The following PRDM11 variants were observed in gnomAD, a reference collection of about 807,000 sequenced individuals.
PRDM11 encodes PR domain-containing protein 11.
Under a neutral mutation model 97.8 loss-of-function variants are expected in PRDM11, and 20 were observed. That is an observed-to-expected ratio of 0.20 (90% CI 0.14 to 0.30). The LOEUF (loss-of-function observed/expected upper bound fraction) is 0.30. Ranked by LOEUF, PRDM11 falls within the 10% of genes least tolerant of loss-of-function variation. PRDM11 has a pLI of 1.00. For synonymous variants in PRDM11, 599 were observed against 637.7 expected, an observed-to-expected ratio of 0.94 and a Z score of 0.91; for missense variants, 1,139 against 1,555.2, an observed-to-expected ratio of 0.73 and a Z score of 4.50.
Position 45,146,791 on chromosome 11 carries a change from AGCCGAGGCCGCGCCGCCTCC to A in PRDM11, c.-86_-67del. On this transcript the variant is annotated 5_prime_UTR_variant, in exon 1 of 8. Coordinates refer to ENST00000683152, the MANE Select transcript of PRDM11 (RefSeq NM_001384648.1). ...GGCCGCTCCCTCCGCGGGGGCCGCC[AGCCGAGGCCGCGCCGCCTCC>A]GCCGAGCCGCCCGCCGGGCCGCTCT... is the stretch of plus-strand genomic sequence containing the variant. 1 of 143,630 alleles carries A rather than the reference AGCCGAGGCCGCGCCGCCTCC, an allele frequency of 7.0e-6. No individual in the cohort carries two copies. Among genetic ancestry groups the A allele is most frequent in the South Asian group, 2.0e-4 (1 of 4,924 alleles). 8.9% of individuals were successfully genotyped at this position (143,630 alleles called of 1,614,324 possible).
At chr11:45,224,937 C>T (rs771127561) in intron 7 of PRDM11, 94 bp downstream of exon 7, 26 of 1,593,760 alleles carry the variant, frequency 1.6e-5, no homozygotes, top group East Asian at 4.5e-5. Flanking sequence ...AACCACCTTC[C>T]GGGAGACCTG....
chr11:45,106,906 G>A (rs1273672965), intron 1 of PRDM11, among the ~76,000 whole-genome samples: 2 of 152,228 alleles, frequency 1.3e-5, no homozygotes, highest in African/African-American at 2.4e-5. Flanking sequence ...GTGGAGTTGG[G>A]CTCAGATTGA....
intron 1 of PRDM11, among the ~76,000 whole-genome samples, chr11:45,114,344 T>A (rs1852256505): frequency 6.6e-6 from 1 of 152,072 alleles, no homozygotes; most frequent in Non-Finnish European, 1.5e-5. Context: ...ACAAACAAAC[T>A]GGCAGAAGAG....
intron 1 of PRDM11, among the ~76,000 whole-genome samples, chr11:45,140,434 G>T (rs949542838): frequency 6.6e-6 from 1 of 152,214 alleles, no homozygotes; most frequent in Non-Finnish European, 1.5e-5. Flanking sequence ...CTCTCCACCA[G>T]CAATGTGGCT....
intron 1 of PRDM11, among the ~76,000 whole-genome samples, chr11:45,133,065 G>A (rs916197682): frequency 6.6e-6 from 1 of 152,118 alleles, no homozygotes; most frequent in Non-Finnish European, 1.5e-5. Context: ...TCTGCCAGCT[G>A]CATTCCCATA....
intron 6 of PRDM11, among the ~76,000 whole-genome samples, chr11:45,220,080 T>C (rs1411466283): frequency 1.3e-5 from 2 of 152,180 alleles, no homozygotes; most frequent in African/African-American, 4.8e-5. Context: ...GATGAAAAGA[T>C]GTTACAAACT....
intron 5 of PRDM11, chr11:45,208,856 T>G (rs1313892384): frequency 2.4e-6 from 1 of 421,290 alleles, no homozygotes; most frequent in Non-Finnish European, 4.8e-6. Context: ...TTGTGCTTTG[T>G]GGGATATTCA....
chr11:45,112,440 T>C (rs910752881), intron 1 of PRDM11, among the ~76,000 whole-genome samples: 1 of 152,246 alleles, frequency 6.6e-6, no homozygotes, highest in African/African-American at 2.4e-5. Context: ...GTATTTTTCT[T>C]TGGGTAGACA....
At chr11:45,127,616 G>C (rs547846085) in intron 1 of PRDM11, among the ~76,000 whole-genome samples, 1 of 152,210 alleles carries the variant, frequency 6.6e-6, no homozygotes, top group Non-Finnish European at 1.5e-5. Context: ...GACCCTGTTT[G>C]CCTGGGTATC....
intron 4 of PRDM11, among the ~76,000 whole-genome samples, chr11:45,201,684 G>C (rs1853331300): frequency 6.6e-6 from 1 of 152,092 alleles, no homozygotes; most frequent in South Asian, 2.1e-4. Context: ...TCTTTGTAGA[G>C]AGGCTGGGCG....
At chr11:45,156,126 T>C (rs1449466850) in intron 1 of PRDM11, among the ~76,000 whole-genome samples, 1 of 152,172 alleles carries the variant, frequency 6.6e-6, no homozygotes, top group Non-Finnish European at 1.5e-5. Context: ...CAGCCATCCA[T>C]GCTGGGCAGG....
chr11:45,123,037 A>G (rs1852476192), intron 1 of PRDM11, among the ~76,000 whole-genome samples: 1 of 152,000 alleles, frequency 6.6e-6, no homozygotes, highest in African/African-American at 2.4e-5. Context: ...TCGCCATTCT[A>G]ACTGGTGTGA....
At chr11:45,105,850 C>G (rs1288092202) in intron 1 of PRDM11, among the ~76,000 whole-genome samples, 1 of 152,242 alleles carries the variant, frequency 6.6e-6, no homozygotes, top group Admixed American at 6.5e-5. Context: ...CTACAAAGTG[C>G]TTGGTGCTAA....
At chr11:45,187,638 TGCAGCCAGCAGCCA>T (rs924718755) in intron 4 of PRDM11, among the ~76,000 whole-genome samples, 7 of 152,118 alleles carry the variant, frequency 4.6e-5, no homozygotes, top group Non-Finnish European at 1.0e-4. Context: ...GGGCCTTAGC[TGCAGCCAGCAGCCA>T]GCAGCCAGCA....
At chr11:45,110,239 C>A (rs983178224) in intron 1 of PRDM11, among the ~76,000 whole-genome samples, 3 of 152,102 alleles carry the variant, frequency 2.0e-5, no homozygotes, top group Non-Finnish European at 2.9e-5. Flanking sequence ...AACAACTAAT[C>A]CTTATGCAGA....
chr11:45,116,518 A>G (rs1186724009), intron 1 of PRDM11, among the ~76,000 whole-genome samples: 2 of 152,266 alleles, frequency 1.3e-5, no homozygotes, highest in Non-Finnish European at 2.9e-5. Context: ...ATAATTAGAT[A>G]TTAACATATC....
At chr11:45,158,706 C>A (rs1851860498) in intron 1 of PRDM11, among the ~76,000 whole-genome samples, 1 of 152,080 alleles carries the variant, frequency 6.6e-6, no homozygotes, top group Non-Finnish European at 1.5e-5. Context: ...GACAGCTGAG[C>A]CTAACTCAGG....
rs184135503 is a variant in PRDM11, at chr11:45,105,353, G to A, written c.96+9452G>A. Reference sequence around the variant, plus strand: ...TGACCTACCTAAGGCCACCCAACTGGTCATAGCCACCAGGTGCTGCAAAAG... The same window carrying A: ...TGACCTACCTAAGGCCACCCAACTGATCATAGCCACCAGGTGCTGCAAAAG... On this transcript the variant is annotated intron_variant, in intron 1 of 6. Transcript: ENST00000530656. Among the ~76,000 whole-genome samples the A allele has an allele frequency of 3.3e-5, 5 of 152,284 alleles. No individual in the cohort carries two copies. In the East Asian group the frequency reaches 9.7e-4, roughly 29 times the overall value.
intron 1 of PRDM11, among the ~76,000 whole-genome samples, chr11:45,150,454 C>G (rs1246155333): frequency 6.6e-6 from 1 of 152,180 alleles, no homozygotes; most frequent in Admixed American, 6.5e-5. Flanking sequence ...TCTGTTGAAT[C>G]CTTAAGCATA....
Sources: allele counts gnomAD v4.1 joint callset (sites outside exome capture counted in the v4.1 genomes callset), GRCh38; gene constraint gnomAD v4.1.1; transcripts MANE v1.5; gene names NCBI Gene and HGNC (gene_info 2026-07-23, HGNC 2026-07-21).